Variants in PAX9 observed in about 807,000 individuals in gnomAD.
The protein encoded by PAX9 is paired box 9, also known as paired box protein Pax-9.
PAX9 carries 6 observed loss-of-function variants against 29.1 expected under a neutral mutation model. The ratio of observed to expected loss-of-function variants is 0.21; its 90% CI spans 0.11 to 0.41. The LOEUF (loss-of-function observed/expected upper bound fraction) is 0.41. PAX9 is among the 10% of genes least tolerant of loss of function. PAX9 has a pLI of 1.00. For missense variants in PAX9, 443 were observed against 479.1 expected (o/e 0.92, Z 0.70); for synonymous variants, 217 against 211.7 (o/e 1.03, Z -0.22).
At chr14:36,659,587 C>A (rs1375222313), upstream of PAX9, among the ~76,000 whole-genome samples, 1 of 152,240 alleles carries the variant, frequency 6.6e-6, no homozygotes, top group Non-Finnish European at 1.5e-5. Flanking sequence ...CCTGCAACCG[C>A]CGGCATGAGT....
upstream of PAX9, chr14:36,661,843 G>A (rs999192914): frequency 1.7e-6 from 1 of 580,438 alleles, no homozygotes; most frequent in Non-Finnish European, 3.1e-6. Flanking sequence ...GATAGACGGA[G>A]CCGCCCTGCC....
In PAX9 at chr14:36,676,562, T is replaced by C; in HGVS notation, c.*110T>C. On this transcript the variant is annotated 3_prime_UTR_variant, in exon 4 of 4. Transcript: ENST00000361487. ...CCTCCTGCCCTCCAACCCTTCTGCCTTGAAAGCTGGCTGTACGGACTCACA... is the reference window on the plus strand; with the variant it reads ...CCTCCTGCCCTCCAACCCTTCTGCCCTGAAAGCTGGCTGTACGGACTCACA... 1.6e-6 allele frequency: 2 copies of C among 1,286,974 alleles called. No individual in the cohort carries two copies. The highest frequency in any genetic ancestry group is 2.5e-5 in the South Asian group (2 of 80,160). The allele number at this position is 1,286,974 out of a possible 1,614,324, so 79.7% of individuals were successfully genotyped here. A position where few individuals can be genotyped will look rare whatever the true frequency, so the allele number is the denominator to read the frequency against.
chr14:36,660,052 G>T (rs957899022), upstream of PAX9, among the ~76,000 whole-genome samples: 9 of 152,142 alleles, frequency 5.9e-5, no homozygotes, highest in African/African-American at 2.2e-4. Flanking sequence ...TGTCTGTGAG[G>T]GGGGAGGAGG....
Position 36,678,422 on chromosome 14 carries a change from C to T in PAX9, c.*1970C>T. On this transcript the variant is annotated 3_prime_UTR_variant, in exon 4 of 4. Coordinates refer to ENST00000361487, the MANE Select transcript of PAX9 (RefSeq NM_001372076.1). ...AGAATAAGCAGAAGGAGCAGATGAA[C>T]TCTCAGGGCCATAGTCTTCCTTTGA... 1 of 1,336,420 alleles carries T rather than the reference C, an allele frequency of 7.5e-7. No individual in the cohort carries two copies. Among genetic ancestry groups the T allele is most frequent in the Non-Finnish European group, 1.0e-6 (1 of 964,242 alleles). 82.8% of individuals were successfully genotyped at this position (1,336,420 alleles called of 1,614,324 possible). A position where few individuals can be genotyped will look rare whatever the true frequency, so the allele number is the denominator to read the frequency against.
upstream of PAX9, chr14:36,661,797 C>A (rs1484714145): frequency 3.5e-5 from 18 of 520,476 alleles, no homozygotes; most frequent in Admixed American, 7.2e-5. Flanking sequence ...AGCTTGCCCT[C>A]GGACCCGCCC....
upstream of PAX9, chr14:36,661,705 GT>G (rs1326782215): frequency 2.3e-5 from 8 of 344,552 alleles, no homozygotes; most frequent in South Asian, 2.6e-4. Context: ...AGTCACCCAG[GT>G]GGGGAGCTAG....
chr14:36,678,881 A>AAATT lies in PAX9; in HGVS notation c.*2431_*2434dup. 1.0e-6 allele frequency: 1 copy of AAATT among 974,804 alleles called. No homozygotes were observed. The highest frequency in any genetic ancestry group is 1.2e-6 in the Non-Finnish European group (1 of 818,906). 60.4% of individuals were successfully genotyped at this position (974,804 alleles called of 1,614,324 possible). On this transcript the variant is annotated 3_prime_UTR_variant, in exon 4 of 4. Transcript: ENST00000361487. Reference sequence around the variant, plus strand: ...TCAGATACAATTTGCTATTCAAAGAAAATTATGATTTAAAGCCACTTTTTA... The same window carrying AAATT: ...TCAGATACAATTTGCTATTCAAAGAAAATTAATTATGATTTAAAGCCACTTTTTA...
intron 3 of PAX9, among the ~76,000 whole-genome samples, chr14:36,666,825 G>T (rs939234395): frequency 6.6e-6 from 1 of 152,210 alleles, no homozygotes; most frequent in African/African-American, 2.4e-5. Flanking sequence ...GGGAGCGCTC[G>T]TCAGGGCGCT....
chr14:36,678,744 AT>A lies in PAX9; in HGVS notation c.*2299del. 6 of 1,147,628 alleles carry A rather than the reference AT, an allele frequency of 5.2e-6. No homozygotes were observed. Among genetic ancestry groups the A allele is most frequent in the East Asian group, 3.9e-5 (1 of 25,384 alleles). 71.1% of individuals were successfully genotyped at this position (1,147,628 alleles called of 1,614,324 possible). ...ATCTCTTGTTATTGTGCTATTTATA[AT>A]TTTTTTCTGGTTCTTGTATTTTAAA... On this transcript the variant is annotated 3_prime_UTR_variant, in exon 4 of 4. Transcript: ENST00000361487.
chr14:36,674,970 A>G (rs761129974), intron 3 of PAX9, among the ~76,000 whole-genome samples: 4 of 152,242 alleles, frequency 2.6e-5, no homozygotes, highest in Non-Finnish European at 4.4e-5. Flanking sequence ...TCATAGATGT[A>G]GAAGTGAAAA....
chr14:36,663,607 G>T, intron 2 of PAX9, 84 bp downstream of exon 2: 1 of 1,547,014 alleles, frequency 6.5e-7, no homozygotes. Context: ...CAGCCTCAGG[G>T]ACACTGTCTT....
intron 3 of PAX9, chr14:36,670,924 A>G (rs1881673334): frequency 8.3e-6 from 2 of 242,302 alleles, no homozygotes; most frequent in Non-Finnish European, 1.7e-5. Context: ...TGTTGAAACC[A>G]TATTTATAAC....
At chr14:36,660,637 G>A (rs148174497), upstream of PAX9, among the ~76,000 whole-genome samples, 30 of 152,278 alleles carry the variant, frequency 2.0e-4, 1 homozygote, top group East Asian at 5.2e-3. Flanking sequence ...GGGGACTGTT[G>A]GGGAAGCAGC....
rs535054223 is a variant in PAX9, at chr14:36,676,510, C to T, written c.*58C>T. ...GTCTCCCTGTCTCAGCACCTCCTCC[C>T]CCAATTCCCAGGTCTCACATCCCAC... On this transcript the variant is annotated 3_prime_UTR_variant, in exon 4 of 4. Coordinates refer to ENST00000361487, the MANE Select transcript of PAX9 (RefSeq NM_001372076.1). The T allele has an allele frequency of 4.4e-6, 7 of 1,593,934 alleles. No individual in the cohort carries two copies. The Admixed American group carries it at 8.4e-5, about 19-fold the overall frequency.
rs1566482198 is a variant in PAX9 at position 36,678,437 on chromosome 14, T to C, written c.*1985T>C. ...AGCAGATGAACTCTCAGGGCCATAG[T>C]CTTCCTTTGATCTTGTAAAACTTCC... is the stretch of plus-strand genomic sequence containing the variant. On this transcript the variant is annotated 3_prime_UTR_variant, in exon 4 of 4. Coordinates refer to ENST00000361487, the MANE Select transcript of PAX9 (RefSeq NM_001372076.1). The C allele has an allele frequency of 6.9e-7, 1 of 1,446,062 alleles. No individual in the cohort carries two copies. The highest frequency in any genetic ancestry group is 9.4e-7 in the Non-Finnish European group (1 of 1,063,676). 89.6% of individuals were successfully genotyped at this position (1,446,062 alleles called of 1,614,324 possible). A position where few individuals can be genotyped will look rare whatever the true frequency, so the allele number is the denominator to read the frequency against.
At chr14:36,668,824 T>G (rs1881603059) in intron 3 of PAX9, among the ~76,000 whole-genome samples, 1 of 152,182 alleles carries the variant, frequency 6.6e-6, no homozygotes, top group Admixed American at 6.5e-5. Context: ...ATAATTGATA[T>G]TCTGATTATT....
Position 36,661,940 on chromosome 14 carries a change from T to A in PAX9, c.-150T>A. ...GGGGCACAGACTTCCTTTTACTTCT[T>A]CCTTTTGCCCTCTCGCCTCCTCCTC... is the stretch of plus-strand genomic sequence containing the variant. On this transcript the variant is annotated 5_prime_UTR_variant, in exon 1 of 4. Coordinates refer to ENST00000361487, the MANE Select transcript of PAX9 (RefSeq NM_001372076.1). 1.1e-6 allele frequency: 1 copy of A among 887,024 alleles called. No homozygotes were observed. Among genetic ancestry groups the A allele is most frequent in the Non-Finnish European group, 1.8e-6 (1 of 545,708 alleles). The allele number at this position is 887,024 out of a possible 1,614,324, so 54.9% of individuals were successfully genotyped here.
In PAX9 at chr14:36,678,563, A is replaced by C; in HGVS notation, c.*2111A>C. ...TTGGTGGAGACTTCTTTAAAACCAT[A>C]CCATACAGGGACTCTCCTGTCATCT... On this transcript the variant is annotated 3_prime_UTR_variant, in exon 4 of 4. Transcript: ENST00000361487. 6.5e-7 allele frequency: 1 copy of C among 1,535,504 alleles called. No individual in the cohort carries two copies. The highest frequency in any genetic ancestry group is 2.0e-5 in the Admixed American group (1 of 50,850).
rs757061208 is a variant in PAX9, at chr14:36,663,499, G to T, written c.607G>T (p.Gly203Cys). Residue 203 changes from glycine (G) to cysteine (C), a missense_variant, in exon 2 of 4, where the codon GGC (glycine) becomes TGC (cysteine). By Grantham distance (159) the Gly-to-Cys change is radical (BLOSUM62 -3). Coordinates refer to ENST00000361487, the MANE Select transcript of PAX9 (RefSeq NM_001372076.1). The stretch of plus-strand genomic sequence containing the variant: ...CTCGCACTCCGTCACCGACATCCTG[G>T]GCATCCGCTCCATCACCGACCAAGG... ...PSSHSVTDIL[G>C]IRSITDQVSD... 16 of 1,612,950 alleles carry T rather than the reference G, an allele frequency of 9.9e-6. 1 individual carries two copies. The South Asian group carries it at 1.6e-4, about 17-fold the overall frequency.
Sources: gnomAD v4.1 joint callset for allele counts (sites outside exome capture counted in the v4.1 genomes callset) on GRCh38, gnomAD v4.1.1 for gene constraint, MANE v1.5 for transcripts, NCBI Gene and HGNC (gene_info 2026-07-23, HGNC 2026-07-21) for gene names.